UBXN7: variants seen among roughly 807,000 people sequenced by gnomAD.
The protein encoded by UBXN7 is UBX domain-containing protein 7.
UBXN7 carries 9 observed loss-of-function variants against 58.0 expected under a neutral mutation model. That is an observed-to-expected ratio of 0.16 (90% confidence interval 0.09 to 0.27). UBXN7 has a LOEUF of 0.27. Among genes scored for constraint, UBXN7 ranks in the 10% least tolerant of loss-of-function variants. The probability of loss-of-function intolerance (pLI) is 1.00; values close to 1 mark genes in which losing one functional copy is unlikely to be tolerated. For missense variants in UBXN7, 328 were observed against 599.6 expected (o/e 0.55, Z 4.73); for synonymous variants, 208 against 205.0 (o/e 1.01, Z -0.12).
rs1728116962 is a variant in UBXN7, at chr3:196,347,696, A to G, written c.*8989T>C. On this transcript the variant is annotated 3_prime_UTR_variant, in exon 11 of 11. Coordinates refer to ENST00000296328, the MANE Select transcript of UBXN7 (RefSeq NM_015562.2). ...GTTTTTGTTTTTATTTCCAAGATCA[A>G]ATATTACAACAGGACATTTACATGT... The G allele has an allele frequency of 6.6e-6, 1 of 152,200 alleles. No homozygotes were observed. Among genetic ancestry groups the G allele is most frequent in the Admixed American group, 6.5e-5 (1 of 15,278 alleles). The allele number at this position is 152,200 out of a possible 1,614,324, so 9.4% of individuals were successfully genotyped here.
At chr3:196,391,949 T>A in intron 4 of UBXN7, 24 bp from the exon 5 acceptor site, 1 of 1,466,168 alleles carries the variant, frequency 6.8e-7, no homozygotes, top group South Asian at 1.2e-5. Flanking sequence ...GGATGAAAGT[T>A]TCAGTTAGCC....
chr3:196,395,941 T>C (rs1729755379), intron 3 of UBXN7, among the ~76,000 whole-genome samples: 1 of 152,020 alleles, frequency 6.6e-6, no homozygotes, highest in East Asian at 1.9e-4. Flanking sequence ...AATTTTTGTA[T>C]TTTTAGTAGG....
chr3:196,360,571 T>G (rs1728480382), intron 10 of UBXN7, among the ~76,000 whole-genome samples: 1 of 152,128 alleles, frequency 6.6e-6, no homozygotes, highest in South Asian at 2.1e-4. Flanking sequence ...GACCTACTGC[T>G]CAGAAAAAAG....
At chr3:196,400,645 T>C (rs1447557444) in intron 3 of UBXN7, 1 of 257,106 alleles carries the variant, frequency 3.9e-6, no homozygotes, top group Admixed American at 5.6e-5. Flanking sequence ...AAGGCTGAGG[T>C]GGGAGGAATC....
In UBXN7 at chr3:196,417,241, A is replaced by AG. The variant is rs1295744514; in HGVS notation, c.74-9849dup. Reference sequence around the variant, plus strand: ...GGCAGGAGAATGGCGTGAACCCGGCAGCGGAGCTTGCAGTGAGCCGAGATC... The same window carrying AG: ...GGCAGGAGAATGGCGTGAACCCGGCAGGCGGAGCTTGCAGTGAGCCGAGATC... On this transcript the variant is annotated intron_variant, in intron 1 of 10. Transcript: ENST00000296328. Among the ~76,000 whole-genome samples, 21 of 152,248 alleles carry AG rather than the reference A, an allele frequency of 1.4e-4. 1 individual carries two copies. The South Asian group carries it at 1.5e-3, about 11-fold the overall frequency.
chr3:196,410,756 AG>A (rs1394350610), intron 1 of UBXN7, among the ~76,000 whole-genome samples: 5 of 151,816 alleles, frequency 3.3e-5, no homozygotes, highest in Admixed American at 2.6e-4. Context: ...TGGGAGGCGG[AG>A]GTTGCAGTGA....
intron 2 of UBXN7, among the ~76,000 whole-genome samples, chr3:196,406,910 C>T (rs544955812): frequency 8.5e-5 from 13 of 152,282 alleles, no homozygotes; most frequent in African/African-American, 2.9e-4. Context: ...GTTGATAATG[C>T]CATCCAATAA....
chr3:196,412,360 T>C (rs1730359321), intron 1 of UBXN7, among the ~76,000 whole-genome samples: 2 of 152,092 alleles, frequency 1.3e-5, no homozygotes, highest in African/African-American at 4.8e-5. Context: ...ACGCAAATAG[T>C]TGACGGTCAA....
chr3:196,364,578 TAATA>T (rs989548201), intron 8 of UBXN7, among the ~76,000 whole-genome samples: 2 of 150,066 alleles, frequency 1.3e-5, no homozygotes, highest in African/African-American at 2.5e-5. Context: ...AAATTTTCCA[TAATA>T]AATAGGTAAA....
At chr3:196,430,547 C>G (rs1440378740) in intron 1 of UBXN7, among the ~76,000 whole-genome samples, 2 of 151,952 alleles carry the variant, frequency 1.3e-5, no homozygotes, top group Non-Finnish European at 2.9e-5. Flanking sequence ...GCCACTACAT[C>G]CAGCTCATTT....
intron 5 of UBXN7, 63 bp downstream of exon 5, chr3:196,391,749 TA>T: frequency 1.9e-5 from 24 of 1,265,808 alleles, no homozygotes; most frequent in South Asian, 5.1e-5. Context: ...AGTAATTTTT[TA>T]AAAAAAGGCA....
intron 8 of UBXN7, among the ~76,000 whole-genome samples, chr3:196,364,779 C>G (rs185780214): frequency 6.6e-6 from 1 of 151,628 alleles, no homozygotes; most frequent in East Asian, 1.9e-4. Context: ...TCACTACTAT[C>G]TCCACCTGCC....
At chr3:196,381,894 T>C (rs529614375) in intron 5 of UBXN7, among the ~76,000 whole-genome samples, 14 of 152,246 alleles carry the variant, frequency 9.2e-5, no homozygotes, top group Non-Finnish European at 1.6e-4. Flanking sequence ...GTATCAGTGA[T>C]TGAAGATCAA....
chr3:196,429,039 G>C (rs866381668), intron 1 of UBXN7, among the ~76,000 whole-genome samples: 3 of 148,896 alleles, frequency 2.0e-5, no homozygotes, highest in Admixed American at 6.7e-5. Flanking sequence ...TCAAAAATCC[G>C]TCATTAGGCC....
At chr3:196,378,621 C>G (rs1729103938) in intron 5 of UBXN7, among the ~76,000 whole-genome samples, 1 of 152,160 alleles carries the variant, frequency 6.6e-6, no homozygotes, top group African/African-American at 2.4e-5. Flanking sequence ...CTGAGGGCTC[C>G]TCCTCCTTTT....
In UBXN7 at chr3:196,390,170, G is replaced by A. The variant is rs573927306; in HGVS notation, c.468+1643C>T. 3.2e-3 allele frequency among the ~76,000 whole-genome samples: 492 copies of A among 152,068 alleles called. 1 individual carries two copies. Among genetic ancestry groups the A allele is most frequent in the Non-Finnish European group, 5.3e-3 (362 of 67,982 alleles). ...TAAGTTGGAGGCTGCAGTGAGCCAT[G>A]ATTTTGCCACTGCACTCCATCCCAG... On this transcript the variant is annotated intron_variant, in intron 5 of 10. Transcript: ENST00000296328.
rs933149360 is a variant in UBXN7, at chr3:196,426,754, A to G, written c.73+5573T>C. ...TCCCAGCTACTCAGGAGGCTGAGAC[A>G]GGAGAATCGCTTGAACCCGGGAGGT... On this transcript the variant is annotated intron_variant, in intron 1 of 10. Coordinates refer to ENST00000296328, the MANE Select transcript of UBXN7 (RefSeq NM_015562.2). Among the ~76,000 whole-genome samples, 4 of 152,006 alleles carry G rather than the reference A, an allele frequency of 2.6e-5. No homozygotes were observed. In the East Asian group the frequency reaches 7.7e-4, roughly 29 times the overall value.
intron 1 of UBXN7, among the ~76,000 whole-genome samples, chr3:196,420,325 A>G (rs1426676417): frequency 6.6e-6 from 1 of 152,010 alleles, no homozygotes; most frequent in Non-Finnish European, 1.5e-5. Flanking sequence ...CTGAAGTCAG[A>G]AGTTTGAGAC....
intron 1 of UBXN7, among the ~76,000 whole-genome samples, chr3:196,411,029 T>C (rs1730307687): frequency 6.6e-6 from 1 of 152,180 alleles, no homozygotes; most frequent in Non-Finnish European, 1.5e-5. Context: ...CCTCATCTAG[T>C]TCATGCATGC....
Sources: allele counts gnomAD v4.1 joint callset (sites outside exome capture counted in the v4.1 genomes callset), GRCh38; gene constraint gnomAD v4.1.1; transcripts MANE v1.5; gene names NCBI Gene and HGNC (gene_info 2026-07-23, HGNC 2026-07-21).